UBASH3B: variants seen among roughly 807,000 people sequenced by gnomAD.
The protein encoded by UBASH3B is ubiquitin associated and SH3 domain containing B, also known as ubiquitin-associated and SH3 domain-containing protein B.
Under a neutral mutation model 83.4 loss-of-function variants are expected in UBASH3B, and 37 were observed. That is an observed-to-expected ratio of 0.44 (90% confidence interval 0.34 to 0.58). The LOEUF (loss-of-function observed/expected upper bound fraction) is 0.58. Ranked by LOEUF, UBASH3B falls within the 20% of genes least tolerant of loss-of-function variation. The pLI is 0.01. For missense variants in UBASH3B, 657 were observed against 827.2 expected (o/e 0.79, Z 2.52); for synonymous variants, 304 against 318.3 (o/e 0.96, Z 0.48).
chr11:122,677,470 A>G (rs972752561), intron 1 of UBASH3B, among the ~76,000 whole-genome samples: 5 of 152,230 alleles, frequency 3.3e-5, no homozygotes. Flanking sequence ...GGAACATTGT[A>G]CGTACCTGAT....
intron 1 of UBASH3B, among the ~76,000 whole-genome samples, chr11:122,696,555 C>T (rs1287161801): frequency 6.6e-6 from 1 of 152,128 alleles, no homozygotes; most frequent in African/African-American, 2.4e-5. Flanking sequence ...TGGTGATCCA[C>T]CTGGTACTCC....
intron 5 of UBASH3B, among the ~76,000 whole-genome samples, chr11:122,784,798 T>C (rs1163972701): frequency 6.6e-6 from 1 of 152,178 alleles, no homozygotes; most frequent in African/African-American, 2.4e-5. Flanking sequence ...GGCTGCAGTT[T>C]TGTCTGACTC....
intron 1 of UBASH3B, among the ~76,000 whole-genome samples, chr11:122,664,604 C>T (rs540924339): frequency 1.3e-3 from 191 of 152,262 alleles, no homozygotes; most frequent in African/African-American, 4.1e-3. Context: ...ACCCTCTGCC[C>T]GGGGCCCTCG....
chr11:122,713,229 G>C (rs887445225), intron 1 of UBASH3B, among the ~76,000 whole-genome samples: 3 of 152,136 alleles, frequency 2.0e-5, no homozygotes, highest in Non-Finnish European at 4.4e-5. Context: ...TTTTCACACA[G>C]AGGAGTTGAG....
At chr11:122,776,326 A>C in intron 2 of UBASH3B, 54 bp downstream of exon 2, 1 of 1,522,016 alleles carries the variant, frequency 6.6e-7, no homozygotes, top group Non-Finnish European at 9.0e-7. Context: ...CTCAAAGTGC[A>C]TGTGGATGAG....
Position 122,812,110 on chromosome 11 carries a change from A to G in UBASH3B, c.*2224A>G, listed in dbSNP as rs543530055. 9.8e-5 allele frequency: 15 copies of G among 152,358 alleles called. No homozygotes were observed. The highest frequency in any genetic ancestry group is 3.4e-3 in the Middle Eastern group (1 of 294). 9.4% of individuals were successfully genotyped at this position (152,358 alleles called of 1,614,324 possible). ...AATCTGTCTGACTGGGCTACAATCC[A>G]TTGTTCTTAGTCCAATATGGACACT... On this transcript the variant is annotated 3_prime_UTR_variant, in exon 14 of 14. Coordinates refer to ENST00000284273, the MANE Select transcript of UBASH3B (RefSeq NM_032873.5).
At chr11:122,657,448 C>A (rs1004576168) in intron 1 of UBASH3B, among the ~76,000 whole-genome samples, 8 of 151,966 alleles carry the variant, frequency 5.3e-5, no homozygotes, top group South Asian at 2.1e-4. Flanking sequence ...GCCACCACAC[C>A]GGGCTAATTT....
intron 1 of UBASH3B, among the ~76,000 whole-genome samples, chr11:122,731,696 G>C (rs1860846650): frequency 6.6e-6 from 1 of 152,196 alleles, no homozygotes; most frequent in East Asian, 1.9e-4. Context: ...CACACAATTG[G>C]AAACTTGTGA....
At position 122,656,006 on chromosome 11, in the gene UBASH3B, ATCCGGCTCGGGC is replaced by A. The variant is rs1357691555; in HGVS notation, c.-40_-29del. The stretch of plus-strand genomic sequence containing the variant: ...CCGACTCCCTCCTCCTTCCCGAACC[ATCCGGCTCGGGC>A]TCCTTCCCTGGCGATGGCTGGCCGC... On this transcript the variant is annotated 5_prime_UTR_variant, in exon 1 of 14. Transcript: ENST00000284273. The A allele has an allele frequency of 6.9e-7, 1 of 1,448,408 alleles. No individual in the cohort carries two copies. The highest frequency in any genetic ancestry group is 9.2e-7 in the Non-Finnish European group (1 of 1,090,516). The allele number at this position is 1,448,408 out of a possible 1,614,324, so 89.7% of individuals were successfully genotyped here.
intron 1 of UBASH3B, among the ~76,000 whole-genome samples, chr11:122,699,824 T>C (rs1409336147): frequency 2.6e-5 from 4 of 152,200 alleles, no homozygotes; most frequent in Non-Finnish European, 5.9e-5. Context: ...GCTCAAGTAA[T>C]CTACCTGCCT....
chr11:122,671,768 G>A (rs1225742572), intron 1 of UBASH3B, among the ~76,000 whole-genome samples: 2 of 152,190 alleles, frequency 1.3e-5, no homozygotes, highest in East Asian at 3.9e-4. Flanking sequence ...GAGATGGCCT[G>A]CATTGTGCGT....
chr11:122,722,460 G>A (rs1217195533), intron 1 of UBASH3B, among the ~76,000 whole-genome samples: 1 of 152,208 alleles, frequency 6.6e-6, no homozygotes, highest in Non-Finnish European at 1.5e-5. Context: ...GGAAATGTCT[G>A]TGTGTCTCTG....
At chr11:122,683,608 A>ATAATAAGAAT (rs58490731) in intron 1 of UBASH3B, among the ~76,000 whole-genome samples, 2 of 148,042 alleles carry the variant, frequency 1.4e-5, no homozygotes, top group Admixed American at 1.4e-4. Context: ...CCTTCTCAAA[A>ATAATAAGAAT]AAAAAAAAAA....
intron 1 of UBASH3B, among the ~76,000 whole-genome samples, chr11:122,684,999 A>G (rs34066148): frequency 0.027 from 4,156 of 152,238 alleles, 81 homozygotes; most frequent in Middle Eastern, 0.065. Flanking sequence ...TCATTCCTTC[A>G]TTCTTCTGGC....
intron 1 of UBASH3B, among the ~76,000 whole-genome samples, chr11:122,710,340 G>C (rs1864175805): frequency 6.6e-6 from 1 of 152,146 alleles, no homozygotes; most frequent in African/African-American, 2.4e-5. Context: ...GCGGGCTGGT[G>C]GTTGGAGAGA....
intron 1 of UBASH3B, among the ~76,000 whole-genome samples, chr11:122,755,187 T>C (rs1367559747): frequency 6.6e-6 from 1 of 152,064 alleles, no homozygotes; most frequent in Non-Finnish European, 1.5e-5. Context: ...CTTAAGCATA[T>C]GTAGTGAAAG....
At chr11:122,783,285 C>A in intron 5 of UBASH3B, 63 bp downstream of exon 5, 2 of 1,560,202 alleles carry the variant, frequency 1.3e-6, no homozygotes, top group Admixed American at 1.8e-5. Context: ...ATCAGCAGCT[C>A]GCTGCTGCAG....
rs1861346590 is a variant in UBASH3B at position 122,806,756 on chromosome 11, A to G, written c.1702+240A>G. Among the ~76,000 whole-genome samples the G allele has an allele frequency of 1.3e-5, 2 of 152,206 alleles. No individual in the cohort carries two copies. Among genetic ancestry groups the G allele is most frequent in the Non-Finnish European group, 2.9e-5 (2 of 68,038 alleles). ...CTTAATAACTTAAATTCTGCGTTAT[A>G]GCTATTCTTCTTGCACCCTGTGAAA... is the stretch of plus-strand genomic sequence containing the variant. On this transcript the variant is annotated intron_variant, in intron 12 of 13. Coordinates refer to ENST00000284273, the MANE Select transcript of UBASH3B (RefSeq NM_032873.5). This position sits in a 1 kb window ranked among gnomAD's most constrained non-coding sequence, Gnocchi z 4.0.
At chr11:122,683,047 T>C (rs565002044) in intron 1 of UBASH3B, among the ~76,000 whole-genome samples, 1 of 151,754 alleles carries the variant, frequency 6.6e-6, no homozygotes, top group Admixed American at 6.6e-5. Flanking sequence ...GGAGTTGGTC[T>C]TGCGGCCAGC....
Sources: gnomAD v4.1 joint callset for allele counts (sites outside exome capture counted in the v4.1 genomes callset) on GRCh38, gnomAD v4.1.1 for gene constraint, Gnocchi (gnomAD v3.1) non-coding constraint, MANE v1.5 for transcripts, NCBI Gene and HGNC (gene_info 2026-07-23, HGNC 2026-07-21) for gene names.